TDRKH: variants seen among roughly 807,000 people sequenced by gnomAD.
TDRKH encodes tudor and KH domain containing.
TDRKH carries 28 observed loss-of-function variants against 61.3 expected under a neutral mutation model. The observed-to-expected ratio is 0.46, with a 90% CI of 0.34 to 0.63. The LOEUF is 0.63. Among genes scored for constraint, TDRKH ranks in the 20% least tolerant of loss-of-function variants. The pLI is 0.01. For synonymous variants in TDRKH, 219 were observed against 244.4 expected (o/e 0.90, Z 0.97); for missense variants, 540 against 683.4 (o/e 0.79, Z 2.34).
chr1:151,787,160 G>A (rs912682397), intron 1 of TDRKH, among the ~76,000 whole-genome samples: 20 of 152,158 alleles, frequency 1.3e-4, no homozygotes, highest in Admixed American at 1.2e-3. Flanking sequence ...TTCCTACATT[G>A]AGATGGTTTA....
chr1:151,780,241 CCAAAGGAAT>C, intron 3 of TDRKH, 101 bp from the exon 4 acceptor site: 1 of 1,245,008 alleles, frequency 8.0e-7, no homozygotes, highest in Admixed American at 2.2e-5. Context: ...ATAGAATTAG[CCAAAGGAAT>C]TAGCTAATAC....
intron 1 of TDRKH, among the ~76,000 whole-genome samples, chr1:151,787,213 T>C (rs1240662693): frequency 6.6e-6 from 1 of 152,196 alleles, no homozygotes; most frequent in Non-Finnish European, 1.5e-5. Flanking sequence ...TGTCCCCTGA[T>C]TACTTTAGAT....
At chr1:151,770,906 C>A (rs567714729), downstream of TDRKH, among the ~76,000 whole-genome samples, 2 of 152,330 alleles carry the variant, frequency 1.3e-5, no homozygotes, top group Admixed American at 1.3e-4. Context: ...ACTCACAGAA[C>A]AAGTGTTAAA....
rs1648931146 is a variant in TDRKH at position 151,774,196 on chromosome 1, TCTC to T, written c.*253_*255del. ...GCATGGATCCTTTATCATACACTCCTCTCCTCCATGCACCAATTCCTATGCCAA... is the reference window on the plus strand; with the variant it reads ...GCATGGATCCTTTATCATACACTCCTCTCCATGCACCAATTCCTATGCCAA... On this transcript the variant is annotated 3_prime_UTR_variant, in exon 13 of 13. Coordinates refer to ENST00000368824, the MANE Select transcript of TDRKH (RefSeq NM_001083965.2). 1.2e-5 allele frequency: 6 copies of T among 521,426 alleles called. No individual in the cohort carries two copies. Among genetic ancestry groups the T allele is most frequent in the Non-Finnish European group, 2.0e-5 (6 of 293,750 alleles). 32.3% of individuals were successfully genotyped at this position (521,426 alleles called of 1,614,324 possible).
In TDRKH at chr1:151,775,105, A is replaced by C. The variant is rs777913314; in HGVS notation, c.1496T>G (p.Ile499Arg). ...GTCTGGGACAGCTCTGTTTTCTTCT[A>C]TGTCTTCAGGAAGCTCAATTGCGTA... is the stretch of plus-strand genomic sequence containing the variant. ...KGYAIELPEDIEENRAVPDML... is the reference protein window; with the variant it reads ...KGYAIELPEDREENRAVPDML... Residue 499 changes from isoleucine (I) to arginine (R), a missense_variant, in exon 11 of 13, where the codon ATA becomes AGA. Ile to Arg is a moderately conservative substitution (Grantham distance 97). Around this residue, in one of 3 missense-constraint regions of TDRKH, gnomAD observed 379 missense variants for 443.8 expected, o/e 0.85. Transcript: ENST00000368824. 6.2e-7 allele frequency: 1 copy of C among 1,614,010 alleles called. No individual in the cohort carries two copies. Among genetic ancestry groups the C allele is most frequent in the Non-Finnish European group, 8.5e-7 (1 of 1,180,006 alleles).
At chr1:151,767,224 T>C, downstream of TDRKH, 3 of 1,614,060 alleles carry the variant, frequency 1.9e-6, no homozygotes, top group Non-Finnish European at 2.5e-6. Context: ...CCAGTGCTCC[T>C]GAGTCCCTAG....
chr1:151,787,337 G>A (rs974704631), intron 1 of TDRKH, among the ~76,000 whole-genome samples: 21 of 152,248 alleles, frequency 1.4e-4, no homozygotes, highest in African/African-American at 4.8e-4. Flanking sequence ...TTCTGCCTCA[G>A]CCTAATGAGT....
At chr1:151,775,209 C>T in intron 10 of TDRKH, 43 bp from the exon 11 acceptor site, 1 of 1,606,846 alleles carries the variant, frequency 6.2e-7, no homozygotes, top group South Asian at 1.1e-5. Flanking sequence ...TCTCAGTAAG[C>T]AAGGGCAAAT....
At chr1:151,778,419 G>T (rs1191693296) in intron 6 of TDRKH, among the ~76,000 whole-genome samples, 1 of 152,178 alleles carries the variant, frequency 6.6e-6, no homozygotes, top group Non-Finnish European at 1.5e-5. Context: ...GAGGCACCAA[G>T]TTCTCTCCTA....
At chr1:151,781,408 C>G in intron 3 of TDRKH, 73 bp downstream of exon 3, 1 of 1,225,498 alleles carries the variant, frequency 8.2e-7, no homozygotes, top group Non-Finnish European at 1.2e-6. Flanking sequence ...GATATGGGGT[C>G]AGTGGAAGGA....
chr1:151,770,819 A>G (rs1170572530), downstream of TDRKH, among the ~76,000 whole-genome samples: 2 of 152,218 alleles, frequency 1.3e-5, no homozygotes, highest in African/African-American at 4.8e-5. Flanking sequence ...ATTTCATCTT[A>G]AATTCTGTGA....
chr1:151,777,719 A>ATTTTTT (rs35582886), intron 6 of TDRKH, among the ~76,000 whole-genome samples: 8 of 129,702 alleles, frequency 6.2e-5, no homozygotes, highest in African/African-American at 8.7e-5. Context: ...AAAATAGTTA[A>ATTTTTT]TTTTTTTTTT....
Position 151,782,970 on chromosome 1 carries a change from G to C in TDRKH, c.53C>G (p.Ala18Gly). ...ACTGGCTGGGATCCCAAGGCCCAGGGCTATTTTCTGAATGGTGGACAGGCT... is the reference window on the plus strand; with the variant it reads ...ACTGGCTGGGATCCCAAGGCCCAGGCCTATTTTCTGAATGGTGGACAGGCT... Reference protein sequence around the residue: ...WTSLSTIQKIALGLGIPASAT... With the variant: ...WTSLSTIQKIGLGLGIPASAT... Residue 18 changes from alanine (A) to glycine (G), a missense_variant, in exon 2 of 13, where the codon GCC becomes GGC. By Grantham distance (60) the Ala-to-Gly change is moderately conservative. Coordinates refer to ENST00000368824, the MANE Select transcript of TDRKH (RefSeq NM_001083965.2). 1 of 1,613,828 alleles carries C rather than the reference G, an allele frequency of 6.2e-7. No individual in the cohort carries two copies. The highest frequency in any genetic ancestry group is 8.5e-7 in the Non-Finnish European group (1 of 1,179,916).
downstream of TDRKH, chr1:151,769,998 T>C: frequency 2.0e-6 from 2 of 977,354 alleles, no homozygotes; most frequent in East Asian, 3.3e-5. Flanking sequence ...GGCAGGGAGG[T>C]TGCAGTGAGC....
At chr1:151,782,239 G>C (rs1649888869) in intron 2 of TDRKH, among the ~76,000 whole-genome samples, 1 of 152,050 alleles carries the variant, frequency 6.6e-6, no homozygotes, top group African/African-American at 2.4e-5. Flanking sequence ...GAGGCAGGTG[G>C]ATCACTTGAG....
downstream of TDRKH, among the ~76,000 whole-genome samples, chr1:151,770,758 A>G (rs1193577287): frequency 6.6e-6 from 1 of 152,260 alleles, no homozygotes; most frequent in South Asian, 2.1e-4. Context: ...TTGTATTAGT[A>G]TATAGGTAGA....
At position 151,775,538 on chromosome 1, in the gene TDRKH, G is replaced by T. The variant is rs571798813; in HGVS notation, c.1288C>A (p.Gln430Lys). 3.7e-6 allele frequency: 6 copies of T among 1,612,500 alleles called. No individual in the cohort carries two copies. The East Asian group carries it at 8.9e-5, about 24-fold the overall frequency. Residue 430 changes from glutamine to lysine, a missense_variant, in exon 10 of 13, where the codon CAG becomes AAG. Coordinates refer to ENST00000368824, the MANE Select transcript of TDRKH (RefSeq NM_001083965.2). ...TCATCCAAAGCTTCCTCTTCCCACT[G>T]GTCACCTGGCAAAAGATTGTAGGGG... The part of the protein sequence containing the change: ...SLARIAPSGD[Q>K]WEEEALDEFD...
At chr1:151,782,760 AC>A (rs1649951681) in intron 2 of TDRKH, 138 bp downstream of exon 2, 4 of 1,148,832 alleles carry the variant, frequency 3.5e-6, no homozygotes, top group Non-Finnish European at 4.7e-6. Flanking sequence ...ACAGAGTGAG[AC>A]CCTGTCTCAA....
Position 151,775,516 on chromosome 1 carries a change from T to C in TDRKH, c.1310A>G (p.Asp437Gly), listed in dbSNP as rs1173582208. 1 of 1,613,604 alleles carries C rather than the reference T, an allele frequency of 6.2e-7. No homozygotes were observed. Among genetic ancestry groups the C allele is most frequent in the East Asian group, 2.2e-5 (1 of 44,886 alleles). The stretch of plus-strand genomic sequence containing the variant: ...ACAATGAGTGAGTCTATCAAACTCA[T>C]CCAAAGCTTCCTCTTCCCACTGGTC... ...SGDQWEEEAL[D>G]EFDRLTHCAD... is the part of the protein sequence containing the mutation. Residue 437 changes from aspartate to glycine, a missense_variant, in exon 10 of 13, where the codon GAT becomes GGT. Coordinates refer to ENST00000368824, the MANE Select transcript of TDRKH (RefSeq NM_001083965.2).
Sources: gnomAD v4.1 joint callset for allele counts (sites outside exome capture counted in the v4.1 genomes callset) on GRCh38, gnomAD v4.1.1 for gene constraint, gnomAD v4.1.1 regional missense constraint, MANE v1.5 for transcripts, NCBI Gene and HGNC (gene_info 2026-07-23, HGNC 2026-07-21) for gene names.